RCAN2: variants seen among roughly 807,000 people sequenced by gnomAD.
RCAN2 encodes the protein calcipressin-2.
In RCAN2, 9 loss-of-function variants were observed where a neutral mutation model predicts 23.6. The ratio of observed to expected loss-of-function variants is 0.38; its 90% CI spans 0.23 to 0.67. The LOEUF (loss-of-function observed/expected upper bound fraction) is 0.67, where lower values mean the gene tolerates loss of function less well. RCAN2 is among the 30% of genes least tolerant of loss of function. The pLI is 0.51. For synonymous variants in RCAN2, 109 were observed against 115.7 expected (o/e 0.94, Z 0.37); for missense variants, 273 against 302.3 (o/e 0.90, Z 0.72).
chr6:46,302,385 T>C (rs563658470), intron 2 of RCAN2, among the ~76,000 whole-genome samples: 1 of 152,194 alleles, frequency 6.6e-6, no homozygotes, highest in South Asian at 2.1e-4. Context: ...AGTTGAGTCA[T>C]ATTTATAGTG....
At chr6:46,279,300 A>G (rs1267421806) in intron 2 of RCAN2, among the ~76,000 whole-genome samples, 1 of 151,878 alleles carries the variant, frequency 6.6e-6, no homozygotes, top group Non-Finnish European at 1.5e-5. Flanking sequence ...GCAACCAGGC[A>G]ATACCAAGAG....
intron 2 of RCAN2, among the ~76,000 whole-genome samples, chr6:46,413,449 T>C (rs1007739453): frequency 2.6e-5 from 4 of 152,362 alleles, no homozygotes; most frequent in Non-Finnish European, 5.9e-5. Flanking sequence ...TGTTATGCAG[T>C]TAAGTCCTCC....
chr6:46,431,517 A>C (rs1304188298), intron 2 of RCAN2, among the ~76,000 whole-genome samples: 1 of 152,210 alleles, frequency 6.6e-6, no homozygotes, highest in African/African-American at 2.4e-5. Context: ...AACAACGATG[A>C]ATACTAGAGG....
chr6:46,462,410 G>T (rs549835967), intron 1 of RCAN2, among the ~76,000 whole-genome samples: 128 of 152,258 alleles, frequency 8.4e-4, no homozygotes, highest in South Asian at 1.9e-3. Flanking sequence ...AGAAGGGAGG[G>T]TTTGCGACCA....
chr6:46,371,830 A>G (rs1487784318), intron 2 of RCAN2, among the ~76,000 whole-genome samples: 1 of 152,248 alleles, frequency 6.6e-6, no homozygotes, highest in Non-Finnish European at 1.5e-5. Flanking sequence ...GTGGGCAACC[A>G]ACAATGCCCA....
At chr6:46,340,931 T>C (rs959763162) in intron 2 of RCAN2, among the ~76,000 whole-genome samples, 2 of 152,160 alleles carry the variant, frequency 1.3e-5, no homozygotes, top group African/African-American at 4.8e-5. Flanking sequence ...AATTAGCAAA[T>C]TAGCAGGTAG....
chr6:46,451,802 CACAAAG>C (rs935032376), intron 2 of RCAN2, among the ~76,000 whole-genome samples: 2 of 152,174 alleles, frequency 1.3e-5, no homozygotes, highest in African/African-American at 4.8e-5. Context: ...TTACAAGACA[CACAAAG>C]ACTAAGAGAA....
chr6:46,287,672 A>G (rs1762418131), intron 2 of RCAN2, among the ~76,000 whole-genome samples: 1 of 152,242 alleles, frequency 6.6e-6, no homozygotes, highest in Non-Finnish European at 1.5e-5. Context: ...CACACATTTA[A>G]TAGGCTTTCA....
intron 2 of RCAN2, among the ~76,000 whole-genome samples, chr6:46,342,288 TG>T: frequency 6.6e-6 from 1 of 152,290 alleles, no homozygotes; most frequent in African/African-American, 2.4e-5. Context: ...ATTGTGCATT[TG>T]GCTGGAGTTT....
In RCAN2 at chr6:46,440,215, T is replaced by C. The variant is rs115526265; in HGVS notation, c.225+16537A>G. ...TCCTCACAAATGAATATTAGAATAA[T>C]GATCACATTTAAGAGTAAAACTTAA... On this transcript the variant is annotated intron_variant, in intron 2 of 4. Coordinates refer to ENST00000371374, the MANE Select transcript of RCAN2 (RefSeq NM_001251974.2). 7.2e-3 allele frequency among the ~76,000 whole-genome samples: 1,093 copies of C among 152,306 alleles called. 18 individuals are homozygous for C. Among genetic ancestry groups the C allele is most frequent in the African/African-American group, 0.025 (1,053 of 41,568 alleles).
intron 2 of RCAN2, among the ~76,000 whole-genome samples, chr6:46,356,815 A>G (rs1162698971): frequency 6.6e-6 from 1 of 152,246 alleles, no homozygotes; most frequent in East Asian, 1.9e-4. Context: ...TTGCTTCTTC[A>G]GATCAGTCAA....
chr6:46,311,354 G>C (rs1447660266), intron 2 of RCAN2, among the ~76,000 whole-genome samples: 1 of 152,150 alleles, frequency 6.6e-6, no homozygotes, highest in Non-Finnish European at 1.5e-5. Context: ...GAAACTTACT[G>C]GTTTATTCTA....
chr6:46,411,004 C>A (rs1349123351), intron 2 of RCAN2, among the ~76,000 whole-genome samples: 1 of 152,124 alleles, frequency 6.6e-6, no homozygotes, highest in Non-Finnish European at 1.5e-5. Context: ...CCATGTGACC[C>A]TTAACAAACA....
At chr6:46,351,401 T>G (rs1409168437) in intron 2 of RCAN2, among the ~76,000 whole-genome samples, 1 of 152,246 alleles carries the variant, frequency 6.6e-6, no homozygotes, top group Non-Finnish European at 1.5e-5. Flanking sequence ...TTAATCTTGT[T>G]ATGATGGACT....
chr6:46,303,556 G>A (rs1762974571), intron 2 of RCAN2, among the ~76,000 whole-genome samples: 1 of 151,990 alleles, frequency 6.6e-6, no homozygotes, highest in Non-Finnish European at 1.5e-5. Context: ...TTCTTAAATA[G>A]TATAACCACT....
At chr6:46,425,831 G>T (rs748844924) in intron 2 of RCAN2, among the ~76,000 whole-genome samples, 17 of 151,114 alleles carry the variant, frequency 1.1e-4, no homozygotes, top group Non-Finnish European at 1.9e-4. Flanking sequence ...TTTCTCAGTG[G>T]TTCACTTCGC....
intron 2 of RCAN2, among the ~76,000 whole-genome samples, chr6:46,309,490 G>A (rs1763184706): frequency 6.6e-6 from 1 of 152,150 alleles, no homozygotes; most frequent in African/African-American, 2.4e-5. Flanking sequence ...GGACTCCAGA[G>A]GCACCATGAT....
At chr6:46,358,075 C>T (rs565758644) in intron 2 of RCAN2, among the ~76,000 whole-genome samples, 9 of 152,192 alleles carry the variant, frequency 5.9e-5, no homozygotes, top group African/African-American at 9.6e-5. Flanking sequence ...GAGGTACAGA[C>T]GGAAAATTCA....
At chr6:46,488,947 C>T (rs191106524) in intron 1 of RCAN2, among the ~76,000 whole-genome samples, 8 of 152,332 alleles carry the variant, frequency 5.3e-5, no homozygotes, top group African/African-American at 1.9e-4. Context: ...ACCCCACCTC[C>T]TCACACCTCC....
Sources: allele counts gnomAD v4.1 joint callset (sites outside exome capture counted in the v4.1 genomes callset), GRCh38; gene constraint gnomAD v4.1.1; transcripts MANE v1.5; gene names NCBI Gene and HGNC (gene_info 2026-07-23, HGNC 2026-07-21).